The following BECN1 variants were observed in gnomAD, a reference collection of about 807,000 sequenced individuals.
The protein encoded by BECN1 is beclin 1.
A neutral mutation model predicts 60.1 loss-of-function variants in BECN1; 15 were observed. The ratio of observed to expected loss-of-function variants is 0.25; its 90% CI spans 0.17 to 0.38. BECN1 has a LOEUF of 0.38. Ranked by LOEUF, BECN1 falls within the 10% of genes least tolerant of loss-of-function variation. The probability of loss-of-function intolerance (pLI) is 1.00; values close to 1 mark genes in which losing one functional copy is unlikely to be tolerated. For missense variants in BECN1, 424 were observed against 548.2 expected, an observed-to-expected ratio of 0.77 and a Z score of 2.26; for synonymous variants, 179 against 201.8, an observed-to-expected ratio of 0.89 and a Z score of 0.96.
At chr17:42,814,041 G>C (rs371085854) in intron 9 of BECN1, 33 bp from the exon 10 acceptor site, 1 of 1,455,788 alleles carries the variant, frequency 6.9e-7, no homozygotes, top group Non-Finnish European at 9.5e-7. Flanking sequence ...GATGGATACA[G>C]GACTCCTCCC....
At chr17:42,819,394 C>T (rs921774110) in intron 4 of BECN1, 154 bp downstream of exon 4, 11 of 714,474 alleles carry the variant, frequency 1.5e-5, no homozygotes, top group Middle Eastern at 4.1e-4. Flanking sequence ...TGGAAGGTGA[C>T]GGGCCAGGTA....
Position 42,824,253 on chromosome 17 carries a change from C to T in BECN1, c.-101G>A, listed in dbSNP as rs1386686571. 7.5e-6 allele frequency: 3 copies of T among 400,814 alleles called. No individual in the cohort carries two copies. The highest frequency in any genetic ancestry group is 4.4e-5 in the Admixed American group (1 of 22,788). 24.8% of individuals were successfully genotyped at this position (400,814 alleles called of 1,614,324 possible). A position where few individuals can be genotyped will look rare whatever the true frequency, so the allele number is the denominator to read the frequency against. ...CGAGGCCTCCAGAACTACCATCGCTCTGTCTTCAGCGACTTCCCGGTAGCC... is the reference window on the plus strand; with the variant it reads ...CGAGGCCTCCAGAACTACCATCGCTTTGTCTTCAGCGACTTCCCGGTAGCC... On this transcript the variant is annotated 5_prime_UTR_variant, in exon 1 of 12. Coordinates refer to ENST00000590099, the MANE Select transcript of BECN1 (RefSeq NM_001313998.2).
At chr17:42,823,134 G>A (rs1348118880) in intron 2 of BECN1, among the ~76,000 whole-genome samples, 6 of 152,140 alleles carry the variant, frequency 3.9e-5, no homozygotes, top group African/African-American at 1.2e-4. Context: ...GAAGTAATAC[G>A]TGTAATGCAC....
intron 10 of BECN1, chr17:42,812,753 T>C (rs2055049446): frequency 6.7e-6 from 1 of 149,006 alleles, no homozygotes; most frequent in East Asian, 2.0e-4. Context: ...TAATAAAAAA[T>C]GCTACAAAAC....
intron 2 of BECN1, among the ~76,000 whole-genome samples, chr17:42,823,095 C>A (rs1401952003): frequency 6.6e-6 from 1 of 152,224 alleles, no homozygotes; most frequent in East Asian, 1.9e-4. Flanking sequence ...TGACGGTATA[C>A]CCCGTACGGG....
At chr17:42,822,391 G>A (rs1252702799) in intron 2 of BECN1, among the ~76,000 whole-genome samples, 2 of 152,212 alleles carry the variant, frequency 1.3e-5, no homozygotes, top group East Asian at 3.9e-4. Flanking sequence ...AGAAACCAAG[G>A]CTTGGAGAAA....
In BECN1 at chr17:42,814,679, G is replaced by T. The variant is rs1419000882; in HGVS notation, c.831-6C>A. On this transcript the variant is annotated splice_polypyrimidine_tract_variant and splice_region_variant and intron_variant, in intron 8 of 11. Transcript: ENST00000590099. ...TGCCAAACTGTCCACTGTGCCTACA[G>T]AGGAAGGCAGAAAGGTGGGGGGAAA... The T allele has an allele frequency of 5.0e-6, 8 of 1,613,916 alleles. No individual in the cohort carries two copies. Among genetic ancestry groups the T allele is most frequent in the Non-Finnish European group, 5.9e-6 (7 of 1,179,990 alleles).
chr17:42,816,454 G>A (rs1466588011), intron 7 of BECN1, among the ~76,000 whole-genome samples: 6 of 150,346 alleles, frequency 4.0e-5, no homozygotes, highest in East Asian at 2.0e-4. Flanking sequence ...GAGTTCGAGA[G>A]CAGTCCGGCC....
Position 42,811,842 on chromosome 17 carries a change from G to T in BECN1, c.1042-45C>A. 3 of 1,588,986 alleles carry T rather than the reference G, an allele frequency of 1.9e-6. No individual in the cohort carries two copies. In the South Asian group the frequency reaches 3.4e-5, roughly 18 times the overall value. The stretch of plus-strand genomic sequence containing the variant: ...TGGCTATGGATCTGGCACCAAGAAA[G>T]GCTTCCAGAGATTGTTCCCAATCCT... On this transcript the variant is annotated intron_variant, in intron 10 of 11. Coordinates refer to ENST00000590099, the MANE Select transcript of BECN1 (RefSeq NM_001313998.2).
chr17:42,821,591 G>A (rs763663314), intron 2 of BECN1, among the ~76,000 whole-genome samples: 18 of 152,144 alleles, frequency 1.2e-4, no homozygotes, highest in Non-Finnish European at 1.9e-4. Flanking sequence ...CCCCAGAATA[G>A]CAAGGAGGGA....
At chr17:42,814,094 C>T (rs1483466295) in intron 9 of BECN1, 86 bp from the exon 10 acceptor site, 1 of 940,634 alleles carries the variant, frequency 1.1e-6, no homozygotes, top group African/African-American at 1.7e-5. Flanking sequence ...TTTCACTCTT[C>T]ATTCTGGCCA....
In BECN1 at chr17:42,811,471, C is replaced by A. The variant is rs528315431; in HGVS notation, c.1184+184G>T. The A allele has an allele frequency of 1.2e-3, 759 of 627,428 alleles. 1 individual carries two copies. The highest frequency in any genetic ancestry group is 1.1e-3 in the Non-Finnish European group (420 of 395,420). The allele number at this position is 627,428 out of a possible 1,614,324, so 38.9% of individuals were successfully genotyped here. On this transcript the variant is annotated intron_variant, in intron 11 of 11. Coordinates refer to ENST00000590099, the MANE Select transcript of BECN1 (RefSeq NM_001313998.2). ...AGGCAACATTCTTCTACTCCAAGGA[C>A]TAGGTGGTCACATTCTGTCCTGCTT...
intron 2 of BECN1, 76 bp from the exon 3 acceptor site, chr17:42,820,917 T>A (rs2055250312): frequency 7.4e-7 from 1 of 1,342,984 alleles, no homozygotes; most frequent in East Asian, 2.5e-5. Context: ...GGGAAAAGAA[T>A]GTGAAATATT....
chr17:42,820,712 C>T, intron 3 of BECN1, 62 bp downstream of exon 3: 1 of 1,481,886 alleles, frequency 6.7e-7, no homozygotes, highest in Non-Finnish European at 9.2e-7. Context: ...GTTTTCATAT[C>T]ATATCTCTCA....
At chr17:42,823,685 A>G (rs775678449) in intron 2 of BECN1, 63 bp downstream of exon 2, 6 of 1,578,360 alleles carry the variant, frequency 3.8e-6, no homozygotes, top group South Asian at 3.5e-5. Flanking sequence ...CATAAGAATT[A>G]TATCACCAAA....
intron 7 of BECN1, among the ~76,000 whole-genome samples, chr17:42,816,513 G>A (rs1365395090): frequency 5.3e-5 from 8 of 151,992 alleles, no homozygotes; most frequent in Admixed American, 4.6e-4. Context: ...TTAGCCAGGC[G>A]TGGTGGTGCA....
intron 7 of BECN1, among the ~76,000 whole-genome samples, chr17:42,817,305 A>C (rs1186513080): frequency 6.6e-6 from 1 of 151,976 alleles, no homozygotes; most frequent in Admixed American, 6.6e-5. Flanking sequence ...TAAAAAAAAA[A>C]AAAACAAAAA....
At position 42,814,798 on chromosome 17, in the gene BECN1, G is replaced by A. The variant is rs960437406; in HGVS notation, c.831-125C>T. The A allele has an allele frequency of 1.1e-5, 14 of 1,243,536 alleles. No individual in the cohort carries two copies. The Admixed American group carries it at 3.1e-4, about 27-fold the overall frequency. 77.0% of individuals were successfully genotyped at this position (1,243,536 alleles called of 1,614,324 possible). A position where few individuals can be genotyped will look rare whatever the true frequency, so the allele number is the denominator to read the frequency against. ...AGTCCATATATGCAAGCTGTACTTG[G>A]CACTTTAAATACATGTCCAAAACTT... On this transcript the variant is annotated intron_variant, in intron 8 of 11. Coordinates refer to ENST00000590099, the MANE Select transcript of BECN1 (RefSeq NM_001313998.2).
intron 2 of BECN1, among the ~76,000 whole-genome samples, chr17:42,821,703 C>T (rs1037742686): frequency 6.6e-6 from 1 of 152,154 alleles, no homozygotes; most frequent in Non-Finnish European, 1.5e-5. Context: ...AAGATTCATA[C>T]ATTTCAAGTC....
Sources: gnomAD v4.1 joint callset for allele counts (sites outside exome capture counted in the v4.1 genomes callset) on GRCh38, gnomAD v4.1.1 for gene constraint, MANE v1.5 for transcripts, NCBI Gene and HGNC (gene_info 2026-07-23, HGNC 2026-07-21) for gene names.